Variants in CYBB observed in about 807,000 individuals in gnomAD.
CYBB encodes NADPH oxidase 2.
A neutral mutation model predicts 46.5 loss-of-function variants in CYBB; 5 were observed. The observed-to-expected ratio is 0.11, with a 90% CI of 0.06 to 0.23. CYBB has a LOEUF of 0.23. Ranked by LOEUF, CYBB falls within the 10% of genes least tolerant of loss-of-function variation. The pLI is 1.00. For synonymous variants in CYBB, 183 were observed against 156.7 expected (o/e 1.17, Z -1.26); for missense variants, 307 against 428.3 (o/e 0.72, Z 2.50).
At chrX:37,807,991 T>A (rs1929598289) in intron 11 of CYBB, among the ~76,000 whole-genome samples, 1 of 112,057 alleles carries the variant, frequency 8.9e-6, no homozygotes, top group Non-Finnish European at 1.9e-5. Context: ...AGTGGTAACA[T>A]CTTTGTAAGT....
rs5963297 is a variant in CYBB at position 37,786,620 on chromosome X, G to A, written c.252+3020G>A. ...TTGCCCACCCCACCACTCCAGGAAAGGTAGGGGTAAAGGCTCTCAGACTGC... is the reference window on the plus strand; with the variant it reads ...TTGCCCACCCCACCACTCCAGGAAAAGTAGGGGTAAAGGCTCTCAGACTGC... On this transcript the variant is annotated intron_variant, in intron 3 of 12. Coordinates refer to ENST00000378588, the MANE Select transcript of CYBB (RefSeq NM_000397.4). Among the ~76,000 whole-genome samples, 299 of 111,359 alleles carry A rather than the reference G, an allele frequency of 2.7e-3. 3 individuals carry two copies. The highest frequency in any genetic ancestry group is 9.3e-3 in the African/African-American group (285 of 30,645).
At chrX:37,798,857 G>A (rs1242517983) in intron 6 of CYBB, 98 bp from the exon 7 acceptor site, 1 of 880,000 alleles carries the variant, frequency 1.1e-6, no homozygotes, top group African/African-American at 2.0e-5. Flanking sequence ...GAAAAGTACA[G>A]GGCCTACATC....
chrX:37,782,831 CATAA>C (rs782242741), intron 2 of CYBB, among the ~76,000 whole-genome samples: 5 of 111,089 alleles, frequency 4.5e-5, no homozygotes, highest in Admixed American at 1.9e-4. Flanking sequence ...TATTATAAAT[CATAA>C]ATAAATAATT....
chrX:37,788,261 C>A (rs1480409169), intron 3 of CYBB, among the ~76,000 whole-genome samples: 1 of 111,586 alleles, frequency 9.0e-6, no homozygotes, highest in Admixed American at 9.5e-5. Flanking sequence ...TTAAATTCGG[C>A]GTGCAGGAGC....
intron 6 of CYBB, among the ~76,000 whole-genome samples, chrX:37,797,867 A>G (rs1285368709): frequency 3.6e-5 from 4 of 112,007 alleles, no homozygotes; most frequent in African/African-American, 1.3e-4. Flanking sequence ...TCACCAAAAC[A>G]TTCTGCTTTG....
intron 8 of CYBB, 47 bp downstream of exon 8, chrX:37,801,395 C>T (rs1556469887): frequency 4.6e-6 from 4 of 864,024 alleles, no homozygotes; most frequent in Non-Finnish European, 5.2e-6. Flanking sequence ...CTAACTATAT[C>T]ATGGACAAGT....
intron 7 of CYBB, among the ~76,000 whole-genome samples, chrX:37,800,794 T>G (rs1929420943): frequency 8.9e-6 from 1 of 112,521 alleles, no homozygotes; most frequent in South Asian, 3.6e-4. Flanking sequence ...AGCCAAACTC[T>G]TGCATAAAAT....
intron 3 of CYBB, among the ~76,000 whole-genome samples, chrX:37,791,681 A>G (rs1313569346): frequency 2.7e-5 from 3 of 111,780 alleles, no homozygotes; most frequent in Non-Finnish European, 5.7e-5. Flanking sequence ...TTTTTTGTAC[A>G]AGTTTATATT....
chrX:37,801,173 C>T (rs1929429632), intron 7 of CYBB, 83 bp from the exon 8 acceptor site: 2 of 630,097 alleles, frequency 3.2e-6, no homozygotes, highest in East Asian at 6.5e-5. Context: ...ATTAACTTGG[C>T]TTCTAAAATT....
intron 5 of CYBB, among the ~76,000 whole-genome samples, chrX:37,795,538 T>G (rs1388663591): frequency 8.9e-6 from 1 of 112,026 alleles, no homozygotes; most frequent in African/African-American, 3.2e-5. Flanking sequence ...GGAGCACAGC[T>G]GATGATGTTC....
chrX:37,782,300 A>G, intron 2 of CYBB, 117 bp downstream of exon 2: 1 of 539,933 alleles, frequency 1.9e-6, no homozygotes. Flanking sequence ...AAACAGTACC[A>G]TTAGCCTCAC....
At chrX:37,781,279 T>G (rs1203342617) in intron 1 of CYBB, among the ~76,000 whole-genome samples, 2 of 112,654 alleles carry the variant, frequency 1.8e-5, no homozygotes, top group African/African-American at 6.5e-5. Flanking sequence ...CTCATGCACT[T>G]GAAAGTGAAA....
Position 37,810,833 on chromosome X carries a change from T to C in CYBB, c.1629T>C (p.Ala543=). 1 of 1,207,933 alleles carries C rather than the reference T, an allele frequency of 8.3e-7. No homozygotes were observed. The highest frequency in any genetic ancestry group is 1.1e-6 in the Non-Finnish European group (1 of 892,218). ...GVFLCGPEAL[A]ETLSKQSISN... is the part of the protein sequence containing the mutation. ...TCCTCTGTGGACCTGAAGCCTTGGC[T>C]GAAACCCTGAGTAAACAAAGCATCT... Residue 543 remains alanine (A), a synonymous_variant, in exon 13 of 13, where the codon GCT becomes GCC. Transcript: ENST00000378588.
chrX:37,809,466 C>T, intron 11 of CYBB, 101 bp from the exon 12 acceptor site: 1 of 949,227 alleles, frequency 1.1e-6, no homozygotes, highest in East Asian at 3.4e-5. Context: ...CAGCATCCAG[C>T]AGGGTGCCTT....
chrX:37,783,250 G>T (rs781993336), intron 2 of CYBB, among the ~76,000 whole-genome samples: 5 of 111,803 alleles, frequency 4.5e-5, no homozygotes, highest in African/African-American at 1.6e-4. Flanking sequence ...CCTTCAACTT[G>T]TCTTTATGTT....
rs972862041 is a variant in CYBB, at chrX:37,786,494, A to G, written c.252+2894A>G. 1.3e-4 allele frequency among the ~76,000 whole-genome samples: 14 copies of G among 111,784 alleles called. No homozygotes were observed. The East Asian group carries it at 3.6e-3, about 29-fold the overall frequency. On this transcript the variant is annotated intron_variant, in intron 3 of 12. Coordinates refer to ENST00000378588, the MANE Select transcript of CYBB (RefSeq NM_000397.4). ...GGACTTAATAGTAGGACACTATATA[A>G]GCAAAATAACCACGAACTTGCATTC...
intron 3 of CYBB, among the ~76,000 whole-genome samples, chrX:37,784,043 TG>T (rs1556464944): frequency 5.4e-5 from 6 of 111,515 alleles, no homozygotes; most frequent in Admixed American, 2.9e-4. Flanking sequence ...CACACTATAA[TG>T]AATGTAACCA....
intron 2 of CYBB, among the ~76,000 whole-genome samples, chrX:37,783,004 T>A (rs1361951143): frequency 6.3e-5 from 7 of 111,537 alleles, no homozygotes; most frequent in Non-Finnish European, 1.1e-4. Flanking sequence ...TTAAGATCAA[T>A]TTAAGTGCTA....
intron 11 of CYBB, among the ~76,000 whole-genome samples, chrX:37,808,372 T>C (rs562593757): frequency 1.8e-5 from 2 of 112,344 alleles, no homozygotes; most frequent in Admixed American, 1.9e-4. Flanking sequence ...TGATCCTTCA[T>C]GTCTTAATCA....
Sources: gnomAD v4.1 joint callset for allele counts (sites outside exome capture counted in the v4.1 genomes callset) on GRCh38, gnomAD v4.1.1 for gene constraint, MANE v1.5 for transcripts, NCBI Gene and HGNC (gene_info 2026-07-23, HGNC 2026-07-21) for gene names.